Variants in ZNF652 observed in about 807,000 individuals in gnomAD.
The protein encoded by ZNF652 is zinc finger protein 652.
In ZNF652, 16 loss-of-function variants were observed where a neutral mutation model predicts 45.2. That is an observed-to-expected ratio of 0.35 (90% CI 0.24 to 0.54). The LOEUF (loss-of-function observed/expected upper bound fraction) is 0.54, where lower values mean the gene tolerates loss of function less well. Among genes scored for constraint, ZNF652 ranks in the 20% least tolerant of loss-of-function variants. The pLI, the probability that ZNF652 is intolerant of heterozygous loss-of-function variation, is 0.91. For synonymous variants in ZNF652, 250 were observed against 260.6 expected, an observed-to-expected ratio of 0.96 and a Z score of 0.39; for missense variants, 614 against 765.6, an observed-to-expected ratio of 0.80 and a Z score of 2.34.
At chr17:49,336,076 G>C (rs963842631) in intron 1 of ZNF652, among the ~76,000 whole-genome samples, 3 of 151,648 alleles carry the variant, frequency 2.0e-5, no homozygotes, top group South Asian at 2.1e-4. Context: ...TCAGGCTAGA[G>C]TGCAGTGGTG....
chr17:49,340,838 G>A (rs1174288054), intron 1 of ZNF652, among the ~76,000 whole-genome samples: 2 of 152,126 alleles, frequency 1.3e-5, no homozygotes, highest in African/African-American at 4.8e-5. Flanking sequence ...GAGCCCAGGA[G>A]GCTGGGGCTG....
At chr17:49,310,967 T>A (rs1262057072) in intron 5 of ZNF652, among the ~76,000 whole-genome samples, 1 of 152,164 alleles carries the variant, frequency 6.6e-6, no homozygotes, top group Non-Finnish European at 1.5e-5. Flanking sequence ...GTGTCCTCCA[T>A]CCTTTTAAGG....
At chr17:49,332,522 AT>A (rs1157355458) in intron 1 of ZNF652, among the ~76,000 whole-genome samples, 1 of 152,168 alleles carries the variant, frequency 6.6e-6, no homozygotes, top group Non-Finnish European at 1.5e-5. Flanking sequence ...AACACACACA[AT>A]TTTACAAACA....
At chr17:49,316,255 C>T (rs1026002355) in intron 2 of ZNF652, among the ~76,000 whole-genome samples, 10 of 152,174 alleles carry the variant, frequency 6.6e-5, no homozygotes, top group African/African-American at 4.8e-5. Flanking sequence ...GCAACATTTT[C>T]GACCAGCTCA....
intron 5 of ZNF652, among the ~76,000 whole-genome samples, chr17:49,299,184 C>G (rs938056296): frequency 6.6e-6 from 1 of 151,880 alleles, no homozygotes; most frequent in Admixed American, 6.6e-5. Context: ...ACAGTAGATA[C>G]AACTAAAACT....
chr17:49,355,705 C>G (rs2143129983), intron 1 of ZNF652, among the ~76,000 whole-genome samples: 1 of 152,096 alleles, frequency 6.6e-6, no homozygotes, highest in African/African-American at 2.4e-5. Flanking sequence ...CAAGACCAGC[C>G]TGGCCAATAT....
chr17:49,349,616 G>A (rs781194317), intron 1 of ZNF652, among the ~76,000 whole-genome samples: 3 of 152,150 alleles, frequency 2.0e-5, no homozygotes, highest in Non-Finnish European at 4.4e-5. Context: ...AAACCATCCT[G>A]CAGAGAAGAC....
At chr17:49,349,835 C>G (rs548633596) in intron 1 of ZNF652, among the ~76,000 whole-genome samples, 1 of 152,248 alleles carries the variant, frequency 6.6e-6, no homozygotes, top group Admixed American at 6.5e-5. Context: ...TGGCCTTGGG[C>G]AGAACTATCT....
At chr17:49,316,423 T>C (rs2069805613) in intron 2 of ZNF652, among the ~76,000 whole-genome samples, 1 of 152,208 alleles carries the variant, frequency 6.6e-6, no homozygotes, top group African/African-American at 2.4e-5. Flanking sequence ...TGTACTAGAA[T>C]CTGGCATCCT....
chr17:49,348,476 TCAAAAAAGAAAAGAAAAGAAAAGAA>T (rs2070231279), intron 1 of ZNF652, among the ~76,000 whole-genome samples: 1 of 63,450 alleles, frequency 1.6e-5, no homozygotes, highest in Non-Finnish European at 2.8e-5. Context: ...AGACCTTGCC[TCAAAAAAGAAAAGAAAAGAAAAGAA>T]AAGAAAAGAA....
rs540176793 is a variant in ZNF652, at chr17:49,331,658, TAAA to T, written c.-258-13678_-258-13676del. ...TTGTATTTTATAAAAAATAAAAAAATAAAAAAATAAAAATCACAAATATTTTAG... is the reference window on the plus strand; with the variant it reads ...TTGTATTTTATAAAAAATAAAAAAATAAAATAAAAATCACAAATATTTTAG... On this transcript the variant is annotated intron_variant, in intron 1 of 5. Coordinates refer to ENST00000430262, the MANE Select transcript of ZNF652 (RefSeq NM_001145365.3). Among the ~76,000 whole-genome samples, 1,393 of 151,812 alleles carry T rather than the reference TAAA, an allele frequency of 9.2e-3. 22 individuals are homozygous for T. Among genetic ancestry groups the T allele is most frequent in the African/African-American group, 0.032 (1,319 of 41,390 alleles).
chr17:49,302,911 G>A lies in ZNF652; in HGVS notation c.1310-3987C>T, dbSNP rs933614504. On this transcript the variant is annotated intron_variant, in intron 5 of 5. Coordinates refer to ENST00000430262, the MANE Select transcript of ZNF652 (RefSeq NM_001145365.3). ...CAGGAGGCAGGGGTTGCAGTGAGCC[G>A]AGATCGTGCCATTGCACTCCAGCCT... 2.6e-5 allele frequency among the ~76,000 whole-genome samples: 4 copies of A among 152,124 alleles called. 1 individual carries two copies. The highest frequency in any genetic ancestry group is 3.9e-4 in the East Asian group (2 of 5,120).
chr17:49,308,769 T>C (rs1194496009), intron 5 of ZNF652, among the ~76,000 whole-genome samples: 1 of 149,226 alleles, frequency 6.7e-6, no homozygotes, highest in African/African-American at 2.5e-5. Context: ...ACCACTGCAC[T>C]CCAGCCTGGG....
At position 49,317,666 on chromosome 17, in the gene ZNF652, T is replaced by C. The variant is rs1463147886; in HGVS notation, c.60A>G (p.Ala20=). 4 of 1,613,046 alleles carry C rather than the reference T, an allele frequency of 2.5e-6. No homozygotes were observed. Among genetic ancestry groups the C allele is most frequent in the Non-Finnish European group, 3.4e-6 (4 of 1,179,174 alleles). The change falls in exon 2 of 6, where the codon GCA becomes GCG. Residue 20 remains alanine (A), a synonymous_variant. Coordinates refer to ENST00000430262, the MANE Select transcript of ZNF652 (RefSeq NM_001145365.3). The part of the protein sequence containing the change: ...ELVENCAVHV[A]GMAQEDSRRG... ...GACGGCTATCTTCTTGTGCCATTCC[T>C]GCTACATGCACAGCACAGTTTTCAA... is the stretch of plus-strand genomic sequence containing the variant.
At chr17:49,342,298 C>T (rs1270584757) in intron 1 of ZNF652, among the ~76,000 whole-genome samples, 1 of 151,822 alleles carries the variant, frequency 6.6e-6, no homozygotes, top group African/African-American at 2.4e-5. Flanking sequence ...ACAAGAACCA[C>T]ATAAGAAAAT....
rs2069461197 is a variant in ZNF652, at chr17:49,295,506, T to C, written c.*2907A>G. 6.6e-6 allele frequency: 1 copy of C among 152,532 alleles called. No homozygotes were observed. The highest frequency in any genetic ancestry group is 2.4e-5 in the African/African-American group (1 of 41,446). 9.4% of individuals were successfully genotyped at this position (152,532 alleles called of 1,614,324 possible). A position where few individuals can be genotyped will look rare whatever the true frequency, so the allele number is the denominator to read the frequency against. On this transcript the variant is annotated 3_prime_UTR_variant, in exon 6 of 6. Transcript: ENST00000430262. Reference sequence around the variant, plus strand: ...TATAGCAGATATTTTCTTATGGCTATATTTACTTGAATGAAAAATCAAAGA... The same window carrying C: ...TATAGCAGATATTTTCTTATGGCTACATTTACTTGAATGAAAAATCAAAGA...
chr17:49,326,099 T>C (rs763020408), intron 1 of ZNF652, among the ~76,000 whole-genome samples: 4 of 151,820 alleles, frequency 2.6e-5, no homozygotes, highest in African/African-American at 4.8e-5. Flanking sequence ...ATGGGACCAA[T>C]AAAGCAGAGC....
chr17:49,350,241 A>T lies in ZNF652; in HGVS notation c.-259+11668T>A, dbSNP rs116527321. 5.7e-3 allele frequency among the ~76,000 whole-genome samples: 825 copies of T among 144,550 alleles called. 7 individuals are homozygous for T. Among genetic ancestry groups the T allele is most frequent in the African/African-American group, 0.02 (774 of 38,884 alleles). The allele number at this position is 144,550 out of a possible 152,430, so 94.8% of individuals were successfully genotyped here. A position where few individuals can be genotyped will look rare whatever the true frequency, so the allele number is the denominator to read the frequency against. On this transcript the variant is annotated intron_variant, in intron 1 of 5. Transcript: ENST00000430262. ...GTAAATTTAAGATTATTCCAAAAAT[A>T]AAAAAAAAAAAGTGTAAGCTGGGCA... is the stretch of plus-strand genomic sequence containing the variant.
Position 49,298,209 on chromosome 17 carries a change from C to A in ZNF652, c.*204G>T, listed in dbSNP as rs2069500728. The A allele has an allele frequency of 3.2e-6, 2 of 624,024 alleles. No individual in the cohort carries two copies. Among genetic ancestry groups the A allele is most frequent in the Admixed American group, 6.8e-5 (2 of 29,280 alleles). The allele number at this position is 624,024 out of a possible 1,614,324, so 38.7% of individuals were successfully genotyped here. A position where few individuals can be genotyped will look rare whatever the true frequency, so the allele number is the denominator to read the frequency against. On this transcript the variant is annotated 3_prime_UTR_variant, in exon 6 of 6. Coordinates refer to ENST00000430262, the MANE Select transcript of ZNF652 (RefSeq NM_001145365.3). ...CAAATTGGGCTTTAGTTCAGTGGTT[C>A]CCCTGGTTTAGATGACAGTCCCTCT...
Sources: gnomAD v4.1 joint callset for allele counts (sites outside exome capture counted in the v4.1 genomes callset) on GRCh38, gnomAD v4.1.1 for gene constraint, MANE v1.5 for transcripts, NCBI Gene and HGNC (gene_info 2026-07-23, HGNC 2026-07-21) for gene names.